TGFA: variants seen among roughly 807,000 people sequenced by gnomAD.
The protein encoded by TGFA is transforming growth factor alpha.
Under a neutral mutation model 21.7 loss-of-function variants are expected in TGFA, and 12 were observed. That is an observed-to-expected ratio of 0.55 (90% CI 0.35 to 0.90). The LOEUF is 0.90. Among genes scored for constraint, TGFA ranks in the 40% least tolerant of loss-of-function variants. The probability of loss-of-function intolerance (pLI) is 0.01; values close to 1 mark genes in which losing one functional copy is unlikely to be tolerated. For missense variants in TGFA, 178 were observed against 210.8 expected (o/e 0.84, Z 0.96); for synonymous variants, 79 against 88.1 (o/e 0.90, Z 0.58).
chr2:70,518,816 C>T (rs1351155852), intron 1 of TGFA, among the ~76,000 whole-genome samples: 1 of 152,204 alleles, frequency 6.6e-6, no homozygotes, highest in Non-Finnish European at 1.5e-5. Flanking sequence ...CAGAGTGGAC[C>T]ATGTCCTGCT....
chr2:70,487,813 G>C (rs1236310776), intron 2 of TGFA, among the ~76,000 whole-genome samples: 1 of 152,090 alleles, frequency 6.6e-6, no homozygotes, highest in South Asian at 2.1e-4. Context: ...ATAGATCTTT[G>C]TTCACGCACA....
chr2:70,462,180 G>A (rs1408585860), intron 3 of TGFA, among the ~76,000 whole-genome samples: 1 of 152,154 alleles, frequency 6.6e-6, no homozygotes, highest in African/African-American at 2.4e-5. Context: ...ACAGGAGCAG[G>A]GACAGAGTGT....
At chr2:70,553,155 A>G in intron 1 of TGFA, 2 of 1,535,012 alleles carry the variant, frequency 1.3e-6, no homozygotes, top group Admixed American at 2.0e-5. Context: ...TAAAGGAACC[A>G]TTAATCCGCC....
chr2:70,510,699 CCA>C (rs1293298663), intron 2 of TGFA, among the ~76,000 whole-genome samples: 1 of 152,220 alleles, frequency 6.6e-6, no homozygotes, highest in African/African-American at 2.4e-5. Flanking sequence ...AATGACAATG[CCA>C]GTTTCCTATG....
intron 2 of TGFA, among the ~76,000 whole-genome samples, chr2:70,498,208 C>T (rs1261347331): frequency 6.6e-6 from 1 of 152,250 alleles, no homozygotes; most frequent in African/African-American, 2.4e-5. Context: ...ACCTCTTAAA[C>T]AGAGTGCTGC....
At chr2:70,507,490 T>A (rs1017329216) in intron 2 of TGFA, among the ~76,000 whole-genome samples, 3 of 152,242 alleles carry the variant, frequency 2.0e-5, no homozygotes, top group Non-Finnish European at 4.4e-5. Flanking sequence ...ATCAACATGA[T>A]TTTAAAGGGC....
intron 2 of TGFA, among the ~76,000 whole-genome samples, chr2:70,494,453 G>T (rs1671522501): frequency 6.6e-6 from 1 of 152,158 alleles, no homozygotes; most frequent in South Asian, 2.1e-4. Context: ...GTATCTGGCT[G>T]CAATGAACAC....
chr2:70,528,038 G>T (rs1217373098), intron 1 of TGFA, among the ~76,000 whole-genome samples: 1 of 152,208 alleles, frequency 6.6e-6, no homozygotes, highest in East Asian at 1.9e-4. Context: ...GGGCTCAGCT[G>T]ATTGCAAAGA....
chr2:70,515,704 G>A (rs1672252004), intron 1 of TGFA, among the ~76,000 whole-genome samples: 1 of 152,142 alleles, frequency 6.6e-6, no homozygotes, highest in Non-Finnish European at 1.5e-5. Flanking sequence ...CCAGAATGGG[G>A]ACAGCTGCCA....
intron 1 of TGFA, chr2:70,553,305 G>C: frequency 6.6e-7 from 1 of 1,525,278 alleles, no homozygotes; most frequent in Non-Finnish European, 8.7e-7. Flanking sequence ...GCAAGACCCG[G>C]CCAGAGGGTT....
At chr2:70,521,870 C>A (rs1243758414) in intron 1 of TGFA, among the ~76,000 whole-genome samples, 3 of 151,986 alleles carry the variant, frequency 2.0e-5, no homozygotes, top group African/African-American at 7.2e-5. Flanking sequence ...GCCTTGGCCT[C>A]CCAAAGTGCT....
chr2:70,464,218 A>T (rs958393666), intron 3 of TGFA, among the ~76,000 whole-genome samples: 1 of 152,250 alleles, frequency 6.6e-6, no homozygotes, highest in African/African-American at 2.4e-5. Flanking sequence ...TTCAGGAGCC[A>T]AAGAGGCTGG....
chr2:70,461,821 G>A lies in TGFA; in HGVS notation c.215+3795C>T, dbSNP rs1670412821. On this transcript the variant is annotated intron_variant, in intron 3 of 5. Transcript: ENST00000295400. Reference sequence around the variant, plus strand: ...TTGGGACTAGGGGATTTATTAAAGGGAGCTGTAAAATACCATCTAGGGTTC... The same window carrying A: ...TTGGGACTAGGGGATTTATTAAAGGAAGCTGTAAAATACCATCTAGGGTTC... 2.0e-5 allele frequency: 3 copies of A among 152,186 alleles called. No individual in the cohort carries two copies. In the South Asian group the frequency reaches 6.2e-4, roughly 32 times the overall value. The allele number at this position is 152,186 out of a possible 1,614,324, so 9.4% of individuals were successfully genotyped here. A position where few individuals can be genotyped will look rare whatever the true frequency, so the allele number is the denominator to read the frequency against.
At chr2:70,486,855 C>T (rs962583545) in intron 2 of TGFA, among the ~76,000 whole-genome samples, 15 of 152,110 alleles carry the variant, frequency 9.9e-5, no homozygotes, top group Middle Eastern at 3.2e-3. Context: ...CTCCACCTCC[C>T]GGGTTCACAC....
At chr2:70,510,776 T>G (rs369231234) in intron 2 of TGFA, among the ~76,000 whole-genome samples, 18 of 152,116 alleles carry the variant, frequency 1.2e-4, no homozygotes, top group African/African-American at 4.3e-4. Context: ...AAGAAACCAA[T>G]GAAATGTCAA....
At chr2:70,545,458 C>G (rs978653276) in intron 1 of TGFA, among the ~76,000 whole-genome samples, 1 of 151,958 alleles carries the variant, frequency 6.6e-6, no homozygotes, top group African/African-American at 2.4e-5. Flanking sequence ...TTTAAAAAAA[C>G]AGAATTTGTC....
At chr2:70,466,645 A>G (rs1010575479) in intron 2 of TGFA, among the ~76,000 whole-genome samples, 1 of 152,232 alleles carries the variant, frequency 6.6e-6, no homozygotes, top group Non-Finnish European at 1.5e-5. Flanking sequence ...ATTAGGAGTG[A>G]TAAGGCTATA....
At chr2:70,533,332 C>T (rs1366873315) in intron 1 of TGFA, among the ~76,000 whole-genome samples, 2 of 151,964 alleles carry the variant, frequency 1.3e-5, no homozygotes, top group East Asian at 3.9e-4. Context: ...CTACCCCCAC[C>T]CCCCAACACC....
chr2:70,501,278 C>G (rs1553499104), intron 2 of TGFA, among the ~76,000 whole-genome samples: 3 of 148,712 alleles, frequency 2.0e-5, no homozygotes, highest in Non-Finnish European at 4.5e-5. Context: ...TTTTTCTCCT[C>G]CAGGGAAACT....
Sources: allele counts gnomAD v4.1 joint callset (sites outside exome capture counted in the v4.1 genomes callset), GRCh38; gene constraint gnomAD v4.1.1; transcripts MANE v1.5; gene names NCBI Gene and HGNC (gene_info 2026-07-23, HGNC 2026-07-21).